PDZRN4: variants seen among roughly 807,000 people sequenced by gnomAD.
PDZRN4 encodes the protein PDZ domain-containing RING finger protein 4.
In PDZRN4, 70 loss-of-function variants were observed where a neutral mutation model predicts 99.0. The ratio of observed to expected loss-of-function variants is 0.71; its 90% CI spans 0.58 to 0.86. The LOEUF (loss-of-function observed/expected upper bound fraction) is 0.86, where lower values mean the gene tolerates loss of function less well. PDZRN4 is among the 40% of genes least tolerant of loss of function. The probability of loss-of-function intolerance (pLI) is 0.00; values close to 1 mark genes in which losing one functional copy is unlikely to be tolerated. For synonymous variants in PDZRN4, 551 were observed against 501.6 expected (o/e 1.10, Z -1.32); for missense variants, 1,474 against 1,331.2 (o/e 1.11, Z -1.67).
chr12:41,557,840 C>T (rs1263320184), intron 7 of PDZRN4, among the ~76,000 whole-genome samples: 1 of 152,108 alleles, frequency 6.6e-6, no homozygotes, highest in African/African-American at 2.4e-5. Flanking sequence ...CTATAGTAAA[C>T]AAAATGGAAC....
chr12:41,323,197 C>T (rs562252272), intron 3 of PDZRN4, among the ~76,000 whole-genome samples: 1 of 152,232 alleles, frequency 6.6e-6, no homozygotes, highest in South Asian at 2.1e-4. Flanking sequence ...GTTGCAGCTT[C>T]AAATTGACAG....
intron 3 of PDZRN4, among the ~76,000 whole-genome samples, chr12:41,362,456 T>TC (rs78338600): frequency 0.84 from 127,260 of 151,876 alleles, 54,588 homozygotes; most frequent in Middle Eastern, 0.95. Context: ...TGAATTTTTG[T>TC]CTAATTGCAG....
intron 5 of PDZRN4, among the ~76,000 whole-genome samples, chr12:41,548,281 T>C (rs562581741): frequency 1.4e-4 from 21 of 152,350 alleles, no homozygotes; most frequent in African/African-American, 5.1e-4. Context: ...TATAATAGAC[T>C]ATCTAGCTTT....
chr12:41,537,382 C>T (rs190480033), intron 5 of PDZRN4, among the ~76,000 whole-genome samples: 5 of 152,270 alleles, frequency 3.3e-5, no homozygotes, highest in Admixed American at 3.3e-4. Context: ...CCTTTGGAAA[C>T]TCATAGTTCA....
At chr12:41,446,093 T>A (rs1020647592) in intron 3 of PDZRN4, among the ~76,000 whole-genome samples, 1 of 152,046 alleles carries the variant, frequency 6.6e-6, no homozygotes, top group Non-Finnish European at 1.5e-5. Context: ...CAGCCCCATA[T>A]TCTCCTGTAT....
rs542393073 is a variant in PDZRN4 at position 41,245,361 on chromosome 12, C to G, written c.843+51173C>G. On this transcript the variant is annotated intron_variant, in intron 3 of 9. Coordinates refer to ENST00000402685, the MANE Select transcript of PDZRN4 (RefSeq NM_001164595.2). ...CAACAAACACATATCGATTATATGCCTGATACTATTTCAATCCTTGGGGAT... is the reference window on the plus strand; with the variant it reads ...CAACAAACACATATCGATTATATGCGTGATACTATTTCAATCCTTGGGGAT... Among the ~76,000 whole-genome samples, 3 of 152,202 alleles carry G rather than the reference C, an allele frequency of 2.0e-5. No individual in the cohort carries two copies. The East Asian group carries it at 5.8e-4, about 29-fold the overall frequency.
chr12:41,283,429 G>A (rs1951402530), intron 3 of PDZRN4, among the ~76,000 whole-genome samples: 1 of 152,144 alleles, frequency 6.6e-6, no homozygotes, highest in Non-Finnish European at 1.5e-5. Flanking sequence ...TTCTACCAGA[G>A]GTACAAAGTG....
intron 3 of PDZRN4, among the ~76,000 whole-genome samples, chr12:41,470,785 G>T (rs1456631633): frequency 6.6e-6 from 1 of 152,018 alleles, no homozygotes; most frequent in African/African-American, 2.4e-5. Flanking sequence ...CTTTTACTCT[G>T]TTGGCAAGAA....
In PDZRN4 at chr12:41,348,488, A is replaced by G. The variant is rs540375527; in HGVS notation, c.843+154300A>G. Among the ~76,000 whole-genome samples the G allele has an allele frequency of 6.3e-4, 96 of 152,246 alleles. 2 individuals are homozygous for G. In the South Asian group the frequency reaches 0.019, roughly 31 times the overall value. On this transcript the variant is annotated intron_variant, in intron 3 of 9. Transcript: ENST00000402685. ...CTAGTAGTCATATGTTCTTACTACT[A>G]CAGATTTGCAGTAAAAGTTAAAAAA... is the stretch of plus-strand genomic sequence containing the variant.
At chr12:41,283,989 G>C (rs924012280) in intron 3 of PDZRN4, among the ~76,000 whole-genome samples, 1 of 152,060 alleles carries the variant, frequency 6.6e-6, no homozygotes, top group African/African-American at 2.4e-5. Flanking sequence ...TATTTAACAT[G>C]GTATTGGAAG....
intron 3 of PDZRN4, among the ~76,000 whole-genome samples, chr12:41,220,525 G>A (rs1193934802): frequency 6.6e-6 from 1 of 152,130 alleles, no homozygotes; most frequent in African/African-American, 2.4e-5. Flanking sequence ...ACTACTTAGA[G>A]GAAGGACCTG....
intron 3 of PDZRN4, among the ~76,000 whole-genome samples, chr12:41,415,835 TTTAG>T (rs369825409): frequency 6.6e-6 from 1 of 152,188 alleles, no homozygotes; most frequent in African/African-American, 2.4e-5. Context: ...TATCTGCTTA[TTTAG>T]TTAGATAATC....
chr12:41,484,477 A>G (rs1937736863), intron 3 of PDZRN4, among the ~76,000 whole-genome samples: 1 of 152,174 alleles, frequency 6.6e-6, no homozygotes, highest in South Asian at 2.1e-4. Context: ...ACTTAAAATC[A>G]CTGCATCTGT....
chr12:41,310,920 GT>G (rs1951602528), intron 3 of PDZRN4, among the ~76,000 whole-genome samples: 1 of 152,092 alleles, frequency 6.6e-6, no homozygotes, highest in Non-Finnish European at 1.5e-5. Flanking sequence ...AGATCTAAGA[GT>G]TAAATCTCAT....
At chr12:41,541,220 A>G (rs1482282122) in intron 5 of PDZRN4, among the ~76,000 whole-genome samples, 2 of 151,706 alleles carry the variant, frequency 1.3e-5, no homozygotes, top group Admixed American at 6.6e-5. Flanking sequence ...GTGAGCCACC[A>G]TGCCTAGCCA....
intron 3 of PDZRN4, among the ~76,000 whole-genome samples, chr12:41,450,260 A>G (rs1326374876): frequency 2.0e-5 from 3 of 152,166 alleles, no homozygotes; most frequent in Admixed American, 2.0e-4. Context: ...GAACCATGAA[A>G]AATATATGAA....
intron 3 of PDZRN4, among the ~76,000 whole-genome samples, chr12:41,429,803 T>TTTTTTTTTTTTTTTTGAGACGG (rs1952570408): frequency 6.6e-6 from 1 of 151,416 alleles, no homozygotes; most frequent in African/African-American, 2.5e-5. Flanking sequence ...TCTTATTTTT[T>TTTTTTTTTTTTTTTTGAGACGG]AAAATGTCTA....
intron 3 of PDZRN4, among the ~76,000 whole-genome samples, chr12:41,299,941 T>C (rs2120928009): frequency 6.6e-6 from 1 of 152,084 alleles, no homozygotes; most frequent in East Asian, 1.9e-4. Flanking sequence ...CCATCCCCTA[T>C]TAAAAATAGA....
chr12:41,521,702 T>C (rs988672259), intron 5 of PDZRN4, among the ~76,000 whole-genome samples: 1 of 152,104 alleles, frequency 6.6e-6, no homozygotes, highest in African/African-American at 2.4e-5. Flanking sequence ...GAATTTCTTC[T>C]TTCTCTTAAG....
Sources: gnomAD v4.1 joint callset for allele counts (sites outside exome capture counted in the v4.1 genomes callset) on GRCh38, gnomAD v4.1.1 for gene constraint, MANE v1.5 for transcripts, NCBI Gene and HGNC (gene_info 2026-07-23, HGNC 2026-07-21) for gene names.